TRHDE: variants seen among roughly 807,000 people sequenced by gnomAD.
TRHDE encodes the protein thyrotropin-releasing hormone-degrading ectoenzyme.
TRHDE carries 72 observed loss-of-function variants against 125.7 expected under a neutral mutation model. The observed-to-expected ratio is 0.57, with a 90% CI of 0.47 to 0.70. TRHDE has a LOEUF of 0.70. Ranked by LOEUF, TRHDE falls within the 30% of genes least tolerant of loss-of-function variation. The pLI, the probability that TRHDE is intolerant of heterozygous loss-of-function variation, is 0.00. For synonymous variants in TRHDE, 509 were observed against 509.1 expected, an observed-to-expected ratio of 1.00 and a Z score of 0.00; for missense variants, 1,110 against 1,327.1, an observed-to-expected ratio of 0.84 and a Z score of 2.54.
At chr12:72,623,124 C>A (rs553579802) in intron 15 of TRHDE, among the ~76,000 whole-genome samples, 2 of 152,056 alleles carry the variant, frequency 1.3e-5, no homozygotes, top group Admixed American at 1.3e-4. Flanking sequence ...CACGTTTAAT[C>A]AGACCATGGA....
At chr12:72,614,348 A>T (rs2136072298) in intron 12 of TRHDE, among the ~76,000 whole-genome samples, 1 of 86,682 alleles carries the variant, frequency 1.2e-5, no homozygotes, top group African/African-American at 7.1e-5. Flanking sequence ...TTTCTCTAGA[A>T]ACTGATCAAA....
chr12:72,151,172 T>G (rs1876354535), intron 2 of TRHDE, among the ~76,000 whole-genome samples: 2 of 152,226 alleles, frequency 1.3e-5, no homozygotes, highest in African/African-American at 4.8e-5. Context: ...TTTTTTCATG[T>G]GTCTGTTGGG....
chr12:72,423,343 T>A (rs1874037582), intron 3 of TRHDE, among the ~76,000 whole-genome samples: 1 of 152,198 alleles, frequency 6.6e-6, no homozygotes, highest in Non-Finnish European at 1.5e-5. Context: ...TTCAGGAGCA[T>A]CTCTATTTAC....
chr12:72,280,263 G>GTGTT (rs1302413543), intron 1 of TRHDE, among the ~76,000 whole-genome samples: 1 of 152,190 alleles, frequency 6.6e-6, no homozygotes, highest in African/African-American at 2.4e-5. Flanking sequence ...TTGTTGTGAT[G>GTGTT]ATTACATCAG....
Position 72,621,093 on chromosome 12 carries a change from C to T in TRHDE, c.2470-15C>T. On this transcript the variant is annotated splice_polypyrimidine_tract_variant and intron_variant, in intron 13 of 18. Coordinates refer to ENST00000261180, the MANE Select transcript of TRHDE (RefSeq NM_013381.3). ...TAAACTGACCTTATCTTTATTTATTCTATACCCCATTTAGGAATATATTTT... is the reference window on the plus strand; with the variant it reads ...TAAACTGACCTTATCTTTATTTATTTTATACCCCATTTAGGAATATATTTT... 6.8e-7 allele frequency: 1 copy of T among 1,466,260 alleles called. No homozygotes were observed. The highest frequency in any genetic ancestry group is 1.4e-5 in the African/African-American group (1 of 69,606). 90.8% of individuals were successfully genotyped at this position (1,466,260 alleles called of 1,614,324 possible).
intron 2 of TRHDE, among the ~76,000 whole-genome samples, chr12:72,176,352 C>G (rs1461747104): frequency 2.0e-5 from 3 of 152,068 alleles, no homozygotes; most frequent in African/African-American, 7.2e-5. Context: ...TCTCACCCTA[C>G]TTAGTCTAGA....
chr12:72,653,089 C>T lies in TRHDE; in HGVS notation c.2917C>T (p.Arg973Ter). ...AATTGATGTCATAATCCATGTAGCTCGAAATCCACATGGTCGAGACCTTGC... is the reference window on the plus strand; with the variant it reads ...AATTGATGTCATAATCCATGTAGCTTGAAATCCACATGGTCGAGACCTTGC... Reference protein sequence around the residue: ...DAIDVIIHVARNPHGRDLAWK... With the variant: ...DAIDVIIHVA Residue 973 changes from arginine (R) to a stop codon, truncating the protein, a stop_gained, in exon 17 of 19, where the codon CGA becomes TGA. Coordinates refer to ENST00000261180, the MANE Select transcript of TRHDE (RefSeq NM_013381.3). LOFTEE classifies it high-confidence loss of function. The T allele has an allele frequency of 1.2e-6, 2 of 1,607,810 alleles. No homozygotes were observed. The highest frequency in any genetic ancestry group is 8.5e-7 in the Non-Finnish European group (1 of 1,176,324).
At chr12:72,092,714 G>A (rs1346619168) in intron 1 of TRHDE, among the ~76,000 whole-genome samples, 2 of 152,132 alleles carry the variant, frequency 1.3e-5, no homozygotes, top group South Asian at 2.1e-4. Flanking sequence ...GCTTTCCCAC[G>A]GAGTCTTGGT....
intron 15 of TRHDE, among the ~76,000 whole-genome samples, chr12:72,650,652 CATTG>C (rs1874470038): frequency 6.6e-6 from 1 of 151,818 alleles, no homozygotes; most frequent in African/African-American, 2.4e-5. Context: ...AGGAAATGTA[CATTG>C]ATTGATGGGT....
chr12:72,108,231 C>A (rs926659572), intron 2 of TRHDE, among the ~76,000 whole-genome samples: 11 of 151,964 alleles, frequency 7.2e-5, no homozygotes, highest in Non-Finnish European at 1.3e-4. Flanking sequence ...GCTTTTTATG[C>A]AAATAGATGG....
chr12:72,112,722 T>G (rs1375593861), intron 2 of TRHDE, among the ~76,000 whole-genome samples: 1 of 152,200 alleles, frequency 6.6e-6, no homozygotes, highest in East Asian at 1.9e-4. Context: ...ACATTTCTCT[T>G]TGGCAAGCCA....
In TRHDE at chr12:72,119,316, T is replaced by C. The variant is rs562577506; in HGVS notation, n.279+13564T>C. On this transcript the variant is annotated intron_variant and non_coding_transcript_variant, in intron 2 of 4. Coordinates refer to the TRHDE transcript ENST00000548156. The stretch of plus-strand genomic sequence containing the variant: ...ACTCACTGGTCACTCAGGAGCATAT[T>C]ATTTAATTTCCATGTGTTTGTATTA... 1.2e-4 allele frequency among the ~76,000 whole-genome samples: 18 copies of C among 152,342 alleles called. 1 individual carries two copies. The South Asian group carries it at 3.7e-3, about 32-fold the overall frequency.
chr12:72,525,938 T>C (rs576590148), intron 6 of TRHDE, among the ~76,000 whole-genome samples: 1 of 151,962 alleles, frequency 6.6e-6, no homozygotes, highest in East Asian at 1.9e-4. Flanking sequence ...TTTCAGTCAT[T>C]TTTTTCCCCT....
chr12:72,092,856 A>G (rs190558046), intron 1 of TRHDE, among the ~76,000 whole-genome samples: 17 of 152,348 alleles, frequency 1.1e-4, no homozygotes, highest in African/African-American at 3.8e-4. Flanking sequence ...TACATGTATT[A>G]TCAGTTTCCA....
At chr12:72,335,900 A>C (rs1869810306) in intron 2 of TRHDE, among the ~76,000 whole-genome samples, 1 of 152,252 alleles carries the variant, frequency 6.6e-6, no homozygotes, top group South Asian at 2.1e-4. Flanking sequence ...CATGAGGTTC[A>C]TGAACAATTA....
rs183628331 is a variant in TRHDE, at chr12:72,361,630, T to C, written c.1189-16365T>C. ...ACAATGTGCAGGTTAGTTACATATGTATACATGTGCCATGCTGGTGTGCTG... is the reference window on the plus strand; with the variant it reads ...ACAATGTGCAGGTTAGTTACATATGCATACATGTGCCATGCTGGTGTGCTG... On this transcript the variant is annotated intron_variant, in intron 2 of 18. Coordinates refer to ENST00000261180, the MANE Select transcript of TRHDE (RefSeq NM_013381.3). 3.8e-3 allele frequency among the ~76,000 whole-genome samples: 572 copies of C among 150,986 alleles called. 6 individuals carry two copies. Among genetic ancestry groups the C allele is most frequent in the African/African-American group, 0.013 (553 of 41,224 alleles).
chr12:72,303,929 A>G (rs151220851), intron 2 of TRHDE, among the ~76,000 whole-genome samples: 47 of 152,330 alleles, frequency 3.1e-4, no homozygotes, highest in Non-Finnish European at 5.7e-4. Flanking sequence ...CAGTAACAGT[A>G]TCAGACAGTT....
chr12:72,617,408 C>A (rs1248036851), intron 12 of TRHDE, among the ~76,000 whole-genome samples: 1 of 152,118 alleles, frequency 6.6e-6, no homozygotes, highest in Non-Finnish European at 1.5e-5. Context: ...GTAATGTTTG[C>A]ATATGACATT....
chr12:72,352,405 G>A (rs1870621915), intron 2 of TRHDE, among the ~76,000 whole-genome samples: 1 of 151,728 alleles, frequency 6.6e-6, no homozygotes, highest in Admixed American at 6.6e-5. Context: ...AAATTCAACA[G>A]CGTCATTTAT....
Sources: allele counts gnomAD v4.1 joint callset (sites outside exome capture counted in the v4.1 genomes callset), GRCh38; gene constraint gnomAD v4.1.1; transcripts MANE v1.5; gene names NCBI Gene and HGNC (gene_info 2026-07-23, HGNC 2026-07-21).